The following POLR2H variants were observed in gnomAD, a reference collection of about 807,000 sequenced individuals.
The protein encoded by POLR2H is DNA-directed RNA polymerases I, II, and III subunit RPABC3.
POLR2H carries 3 observed loss-of-function variants against 18.1 expected under a neutral mutation model. The ratio of observed to expected loss-of-function variants is 0.17; its 90% CI spans 0.08 to 0.43. POLR2H has a LOEUF of 0.43. POLR2H is among the 20% of genes least tolerant of loss of function. The pLI is 0.99. For missense variants in POLR2H, 103 were observed against 184.6 expected (o/e 0.56, Z 2.56); for synonymous variants, 76 against 69.0 (o/e 1.10, Z -0.50).
intron 2 of POLR2H, chr3:184,364,724 A>G (rs112120853): frequency 1.8e-6 from 1 of 553,582 alleles, no homozygotes; most frequent in East Asian, 3.0e-5. Context: ...TCAGTCATCC[A>G]GGCAGGCTTT....
chr3:184,365,161 T>C lies in POLR2H; in HGVS notation c.186T>C (p.Ser62=). Residue 62 remains serine (S), a synonymous_variant, in exon 4 of 6, where the codon AGT becomes AGC. Transcript: ENST00000456318. ...ACAAGTTTCGGTTGGTCATAGCTAGTACCTTGTATGAAGATGGTACCCTGG... is the reference window on the plus strand; with the variant it reads ...ACAAGTTTCGGTTGGTCATAGCTAGCACCTTGTATGAAGATGGTACCCTGG... ...LGDKFRLVIA[S]TLYEDGTLDD... is the part of the protein sequence containing the mutation. 6.2e-7 allele frequency: 1 copy of C among 1,613,504 alleles called. No individual in the cohort carries two copies. Among genetic ancestry groups the C allele is most frequent in the Non-Finnish European group, 8.5e-7 (1 of 1,179,382 alleles).
intron 5 of POLR2H, among the ~76,000 whole-genome samples, chr3:184,367,114 G>A (rs1379121743): frequency 6.7e-6 from 1 of 148,956 alleles, no homozygotes; most frequent in Non-Finnish European, 1.5e-5. Flanking sequence ...GTGTGTGTGT[G>A]TGTGTGTGTG....
intron 4 of POLR2H, 53 bp from the exon 5 acceptor site, chr3:184,366,664 C>A: frequency 9.0e-7 from 1 of 1,110,804 alleles, no homozygotes; most frequent in Non-Finnish European, 1.4e-6. Flanking sequence ...TAAATGGGAT[C>A]TTTTATATTG....
In POLR2H at chr3:184,368,548, C is replaced by T; in HGVS notation, c.*254C>T. The T allele has an allele frequency of 2.7e-6, 1 of 368,612 alleles. No individual in the cohort carries two copies. Among genetic ancestry groups the T allele is most frequent in the Non-Finnish European group, 4.9e-6 (1 of 205,968 alleles). The allele number at this position is 368,612 out of a possible 1,614,324, so 22.8% of individuals were successfully genotyped here. ...ACTTTACTTTTTCAGACTGCCCCTC[C>T]CCTTTTTGTAAAAAGTCCATTTACT... is the stretch of plus-strand genomic sequence containing the variant. On this transcript the variant is annotated 3_prime_UTR_variant, in exon 6 of 6. Coordinates refer to ENST00000456318, the MANE Select transcript of POLR2H (RefSeq NM_006232.5).
intron 5 of POLR2H, among the ~76,000 whole-genome samples, chr3:184,367,792 T>C (rs1955562483): frequency 6.6e-6 from 1 of 152,068 alleles, no homozygotes; most frequent in South Asian, 2.1e-4. Flanking sequence ...GCCCGGCCGG[T>C]GTAAAGCTTT....
In POLR2H at chr3:184,363,292, G is replaced by A. The variant is rs1157626603; in HGVS notation, c.-201G>A. 9.7e-6 allele frequency: 6 copies of A among 617,702 alleles called. No homozygotes were observed. The highest frequency in any genetic ancestry group is 1.8e-5 in the Non-Finnish European group (6 of 341,944). The allele number at this position is 617,702 out of a possible 1,614,324, so 38.3% of individuals were successfully genotyped here. A position where few individuals can be genotyped will look rare whatever the true frequency, so the allele number is the denominator to read the frequency against. ...TCGGAAGCAATCTTTCGGGACGGAA[G>A]TTAAGTAGCCCCGAGCGGGAGGCTG... is the stretch of plus-strand genomic sequence containing the variant. On this transcript the variant is annotated 5_prime_UTR_variant, in exon 2 of 6. Transcript: ENST00000456318.
At chr3:184,365,553 C>T (rs1713089942) in intron 4 of POLR2H, 3 of 307,132 alleles carry the variant, frequency 9.8e-6, no homozygotes, top group Middle Eastern at 1.0e-3. Flanking sequence ...TGCCTGTAGT[C>T]CCAGCTGCCT....
chr3:184,366,494 C>G (rs574136225), intron 4 of POLR2H: 13 of 342,382 alleles, frequency 3.8e-5, no homozygotes, highest in South Asian at 3.3e-4. Flanking sequence ...CCCACTACCA[C>G]GCCCGGCTAA....
chr3:184,366,574 G>A (rs1330945132), intron 4 of POLR2H, 143 bp from the exon 5 acceptor site: 9 of 536,868 alleles, frequency 1.7e-5, no homozygotes, highest in East Asian at 3.5e-5. Context: ...TCCTGACCTC[G>A]TGATCTGCCC....
In POLR2H at chr3:184,363,522, C is replaced by T. The variant is rs1440822565; in HGVS notation, c.30C>T (p.Phe10=). The change falls in exon 2 of 6, where the codon TTC becomes TTT. Residue 10 remains phenylalanine (F), a synonymous_variant. Coordinates refer to ENST00000456318, the MANE Select transcript of POLR2H (RefSeq NM_006232.5). MAGILFEDI[F]DVKDIDPEGK... is the part of the protein sequence containing the mutation. ...CGGGCATCCTGTTTGAGGATATTTT[C>T]GATGTGAAGGATATTGACCCGGAGG... 1 of 1,614,068 alleles carries T rather than the reference C, an allele frequency of 6.2e-7. No individual in the cohort carries two copies. The highest frequency in any genetic ancestry group is 8.5e-7 in the Non-Finnish European group (1 of 1,179,972).
Position 184,363,426 on chromosome 3 carries a change from G to C in POLR2H, c.-67G>C, listed in dbSNP as rs980165316. 2.3e-6 allele frequency: 3 copies of C among 1,314,356 alleles called. No homozygotes were observed. The highest frequency in any genetic ancestry group is 3.5e-5 in the Admixed American group (2 of 57,280). The allele number at this position is 1,314,356 out of a possible 1,614,324, so 81.4% of individuals were successfully genotyped here. A position where few individuals can be genotyped will look rare whatever the true frequency, so the allele number is the denominator to read the frequency against. ...TTCTCTCCGGTCTTGTCCACGCTAG[G>C]GGGTGCACGTACTCCCAACTGTGGT... is the stretch of plus-strand genomic sequence containing the variant. On this transcript the variant is annotated 5_prime_UTR_variant, in exon 2 of 6. Coordinates refer to ENST00000456318, the MANE Select transcript of POLR2H (RefSeq NM_006232.5).
At chr3:184,363,833 C>T (rs1712757631) in intron 2 of POLR2H, among the ~76,000 whole-genome samples, 1 of 152,224 alleles carries the variant, frequency 6.6e-6, no homozygotes, top group African/African-American at 2.4e-5. Context: ...CTGCTCTGTG[C>T]TAGACACTGT....
At chr3:184,366,191 G>C (rs924897104) in intron 4 of POLR2H, among the ~76,000 whole-genome samples, 5 of 151,958 alleles carry the variant, frequency 3.3e-5, no homozygotes, top group Non-Finnish European at 7.4e-5. Flanking sequence ...CTTATTTGTT[G>C]AGTAACCTTA....
At chr3:184,365,756 G>A (rs540339626) in intron 4 of POLR2H, among the ~76,000 whole-genome samples, 13 of 151,940 alleles carry the variant, frequency 8.6e-5, no homozygotes, top group Admixed American at 6.5e-4. Flanking sequence ...GGCGGATCAC[G>A]AGGTCAGGAG....
intron 5 of POLR2H, among the ~76,000 whole-genome samples, chr3:184,367,572 C>T (rs1164582846): frequency 2.0e-4 from 30 of 151,544 alleles, no homozygotes; most frequent in Admixed American, 1.6e-3. Flanking sequence ...CTGCAAGCTC[C>T]GCCTCCCGGG....
rs1306260303 is a variant in POLR2H, at chr3:184,362,686, A to T, written c.-620-187A>T. The T allele has an allele frequency of 8.1e-6, 1 of 122,866 alleles. No homozygotes were observed. The highest frequency in any genetic ancestry group is 1.0e-4 in the Admixed American group (1 of 9,750). The allele number at this position is 122,866 out of a possible 1,614,324, so 7.6% of individuals were successfully genotyped here. The stretch of plus-strand genomic sequence containing the variant: ...ACGGAGGGGATCCGTGTCCAGGAGA[A>T]GGCAGTGGAGGGGGAACGCGCAGCA... On this transcript the variant is annotated intron_variant, in intron 1 of 5. Transcript: ENST00000456318. This position sits in a 1 kb window ranked among gnomAD's most constrained non-coding sequence, Gnocchi z 5.9.
chr3:184,363,967 C>T (rs1191070297), intron 2 of POLR2H, among the ~76,000 whole-genome samples: 5 of 152,252 alleles, frequency 3.3e-5, no homozygotes, highest in African/African-American at 1.2e-4. Flanking sequence ...AGGAGAATTG[C>T]CTGAACCTGG....
intron 4 of POLR2H, 82 bp from the exon 5 acceptor site, chr3:184,366,635 G>A: frequency 2.4e-6 from 2 of 849,638 alleles, no homozygotes; most frequent in Non-Finnish European, 3.9e-6. Flanking sequence ...ACCACGCCCG[G>A]CTGACCAGTA....
Position 184,363,384 on chromosome 3 carries a change from T to G in POLR2H, c.-109T>G. The stretch of plus-strand genomic sequence containing the variant: ...CCACTCTCGTCTGGCCGCCGCGCTT[T>G]CAGGAGGTGCTTTTGGTTCTCTCCG... On this transcript the variant is annotated 5_prime_UTR_variant, in exon 2 of 6. Transcript: ENST00000456318. 1.1e-6 allele frequency: 1 copy of G among 914,296 alleles called. No individual in the cohort carries two copies. The highest frequency in any genetic ancestry group is 1.4e-5 in the South Asian group (1 of 72,340). The allele number at this position is 914,296 out of a possible 1,614,324, so 56.6% of individuals were successfully genotyped here. A position where few individuals can be genotyped will look rare whatever the true frequency, so the allele number is the denominator to read the frequency against.
Sources: allele counts gnomAD v4.1 joint callset (sites outside exome capture counted in the v4.1 genomes callset), GRCh38; gene constraint gnomAD v4.1.1; non-coding constraint Gnocchi (gnomAD v3.1); transcripts MANE v1.5; gene names NCBI Gene and HGNC (gene_info 2026-07-23, HGNC 2026-07-21).